The following DLC1 variants were observed in gnomAD, a reference collection of about 807,000 sequenced individuals.
The protein encoded by DLC1 is DLC1 Rho GTPase activating protein, also known as rho GTPase-activating protein 7.
In DLC1, 54 loss-of-function variants were observed where a neutral mutation model predicts 140.3. The observed-to-expected ratio is 0.38, with a 90% CI of 0.31 to 0.48. DLC1 has a LOEUF of 0.48. DLC1 is among the 20% of genes least tolerant of loss of function. The pLI, the probability that DLC1 is intolerant of heterozygous loss-of-function variation, is 0.96. For synonymous variants in DLC1, 986 were observed against 728.1 expected (o/e 1.35, Z -5.70); for missense variants, 2,536 against 1,907.0 (o/e 1.33, Z -6.14).
chr8:13,523,288 A>T (rs1305374532), intron 1 of DLC1, among the ~76,000 whole-genome samples: 3 of 152,164 alleles, frequency 2.0e-5, no homozygotes, highest in Admixed American at 6.5e-5. Context: ...AATTTTTTTT[A>T]AGAATTAAAT....
rs761016966 is a variant in DLC1 at position 13,499,424 on chromosome 8, C to A, written c.648G>T (p.Val216=). 1.9e-6 allele frequency: 3 copies of A among 1,613,690 alleles called. No homozygotes were observed. In the African/African-American group the frequency reaches 4.0e-5, roughly 22 times the overall value. ...ATTGTTTCTCAGGTGCAATATCTTT[C>A]ACGTTCAAAGTATCCACTGCATTTA... ...PKVNAVDTLN[V]KDIAPEKQLL... is the part of the protein sequence containing the mutation. Residue 216 remains valine, a synonymous_variant, in exon 2 of 18, where the codon GTG becomes GTT. Coordinates refer to ENST00000276297, the MANE Select transcript of DLC1 (RefSeq NM_182643.3).
intron 4 of DLC1, among the ~76,000 whole-genome samples, chr8:13,307,994 C>A (rs1832524394): frequency 6.6e-6 from 1 of 152,190 alleles, no homozygotes; most frequent in African/African-American, 2.4e-5. Flanking sequence ...GACATTTAGG[C>A]ATTGTCTAAA....
intron 3 of DLC1, among the ~76,000 whole-genome samples, chr8:13,399,504 A>T (rs552153349): frequency 2.6e-5 from 4 of 152,292 alleles, no homozygotes; most frequent in African/African-American, 9.6e-5. Flanking sequence ...ACTTACATAA[A>T]GCTTAGCACT....
intron 1 of DLC1, among the ~76,000 whole-genome samples, chr8:13,582,654 T>C (rs1482287804): frequency 4.0e-5 from 6 of 151,876 alleles, no homozygotes; most frequent in Admixed American, 3.9e-4. Context: ...CGGGATCTTG[T>C]GATTGTGTGA....
chr8:13,557,985 T>A (rs534114990), intron 1 of DLC1: 2 of 152,302 alleles, frequency 1.3e-5, no homozygotes, highest in East Asian at 1.9e-4. Flanking sequence ...CATATTGTTT[T>A]TCCAGAAAGT....
At chr8:13,269,507 G>C (rs940112975) in intron 5 of DLC1, among the ~76,000 whole-genome samples, 1 of 151,948 alleles carries the variant, frequency 6.6e-6, no homozygotes, top group Admixed American at 6.6e-5. Context: ...CTTGAGGACA[G>C]CAGTTTGAGA....
At chr8:13,150,872 C>A (rs550845642) in intron 5 of DLC1, among the ~76,000 whole-genome samples, 6 of 152,308 alleles carry the variant, frequency 3.9e-5, no homozygotes, top group African/African-American at 1.4e-4. Flanking sequence ...AAAATACTGG[C>A]CTTAAAAATG....
At chr8:13,553,708 T>C (rs1803944460) in intron 1 of DLC1, among the ~76,000 whole-genome samples, 1 of 152,052 alleles carries the variant, frequency 6.6e-6, no homozygotes, top group South Asian at 2.1e-4. Context: ...TCTCTACATT[T>C]ATTGTCTTCA....
In DLC1 at chr8:13,421,301, A is replaced by G. The variant is rs368488894; in HGVS notation, c.1024-19682T>C. Reference sequence around the variant, plus strand: ...GTTTTTAAAGTCTACCTGAGAAAAGACTGGGCTGATGTGTCTCTGCAACCC... The same window carrying G: ...GTTTTTAAAGTCTACCTGAGAAAAGGCTGGGCTGATGTGTCTCTGCAACCC... On this transcript the variant is annotated intron_variant, in intron 2 of 17. Coordinates refer to ENST00000276297, the MANE Select transcript of DLC1 (RefSeq NM_182643.3). 2.0e-5 allele frequency among the ~76,000 whole-genome samples: 3 copies of G among 152,144 alleles called. No homozygotes were observed. The East Asian group carries it at 5.8e-4, about 29-fold the overall frequency.
chr8:13,174,061 C>T (rs1319004124), intron 5 of DLC1, among the ~76,000 whole-genome samples: 16 of 152,194 alleles, frequency 1.1e-4, no homozygotes, highest in African/African-American at 2.6e-4. Flanking sequence ...TTTTCCTTTA[C>T]GTCCACATGT....
chr8:13,267,714 A>T (rs796854797), intron 5 of DLC1, among the ~76,000 whole-genome samples: 62 of 145,576 alleles, frequency 4.3e-4, no homozygotes, highest in African/African-American at 1.5e-3. Flanking sequence ...CTTTGAAGTC[A>T]TGTGATTCCT....
intron 5 of DLC1, among the ~76,000 whole-genome samples, chr8:13,284,973 G>T (rs1237567902): frequency 6.6e-6 from 1 of 152,116 alleles, no homozygotes; most frequent in African/African-American, 2.4e-5. Flanking sequence ...TTCAACACAA[G>T]ACCATTAAAA....
intron 5 of DLC1, among the ~76,000 whole-genome samples, chr8:13,301,627 C>A (rs868646491): frequency 6.6e-6 from 1 of 152,136 alleles, no homozygotes; most frequent in Admixed American, 6.5e-5. Context: ...TGAGGGTATT[C>A]CAATGGGACG....
intron 1 of DLC1, among the ~76,000 whole-genome samples, chr8:13,588,560 C>A (rs1373915052): frequency 6.6e-6 from 1 of 151,994 alleles, no homozygotes; most frequent in African/African-American, 2.4e-5. Flanking sequence ...TTTAAAACTC[C>A]CAATTTTACT....
chr8:13,168,188 T>A lies in DLC1; in HGVS notation c.1349-52531A>T, dbSNP rs151196043. ...GACATAAAACGTCTATCTCTAAGGC[T>A]TTGACTGAGTGAAGAAGACAGCACA... On this transcript the variant is annotated intron_variant, in intron 5 of 17. Transcript: ENST00000276297. Among the ~76,000 whole-genome samples, 155 of 152,318 alleles carry A rather than the reference T, an allele frequency of 1.0e-3. 1 individual carries two copies. Among genetic ancestry groups the A allele is most frequent in the African/African-American group, 3.6e-3 (151 of 41,568 alleles).
At chr8:13,593,557 A>G (rs1182790403) in intron 1 of DLC1, among the ~76,000 whole-genome samples, 1 of 152,126 alleles carries the variant, frequency 6.6e-6, no homozygotes, top group African/African-American at 2.4e-5. Flanking sequence ...CTAATGTGAA[A>G]GAGTGAAGAG....
chr8:13,352,502 C>G (rs971333170), intron 4 of DLC1, among the ~76,000 whole-genome samples: 4 of 152,044 alleles, frequency 2.6e-5, no homozygotes, highest in Non-Finnish European at 5.9e-5. Flanking sequence ...CCACCTCGGC[C>G]TCGCAAGTAG....
chr8:13,135,673 C>A (rs1000968140), intron 5 of DLC1, among the ~76,000 whole-genome samples: 3 of 152,184 alleles, frequency 2.0e-5, no homozygotes, highest in African/African-American at 4.8e-5. Context: ...TACACCAATT[C>A]TCAGAATAAG....
Position 13,304,926 on chromosome 8 carries a change from A to G in DLC1, c.1348+343T>C, listed in dbSNP as rs1832355436. On this transcript the variant is annotated intron_variant, in intron 5 of 17. Transcript: ENST00000276297. ...TGGCTACTAAGTCATTAAGAGTAAA[A>G]ATAAACCTTGGTAATTATTAATAAC... The G allele has an allele frequency of 1.3e-5, 13 of 1,009,060 alleles. No homozygotes were observed. In the South Asian group the frequency reaches 5.3e-4, roughly 41 times the overall value. 62.5% of individuals were successfully genotyped at this position (1,009,060 alleles called of 1,614,324 possible).
Sources: gnomAD v4.1 joint callset for allele counts (sites outside exome capture counted in the v4.1 genomes callset) on GRCh38, gnomAD v4.1.1 for gene constraint, MANE v1.5 for transcripts, NCBI Gene and HGNC (gene_info 2026-07-23, HGNC 2026-07-21) for gene names.